The following C12orf56 variants were observed in gnomAD, a reference collection of about 807,000 sequenced individuals.
C12orf56 encodes the protein chromosome 12 open reading frame 56, also known as uncharacterized protein C12orf56.
A neutral mutation model predicts 69.9 loss-of-function variants in C12orf56; 71 were observed. The observed-to-expected ratio is 1.02, with a 90% CI of 0.84 to 1.24. The LOEUF is 1.24. C12orf56 is among the 50% of genes most tolerant of loss of function. The pLI is 0.00. For synonymous variants in C12orf56, 276 were observed against 274.1 expected (o/e 1.01, Z -0.07); for missense variants, 732 against 738.5 (o/e 0.99, Z 0.10).
chr12:64,332,258 G>C (rs562032572), intron 2 of C12orf56, among the ~76,000 whole-genome samples: 1 of 132,588 alleles, frequency 7.5e-6, no homozygotes, highest in Non-Finnish European at 1.5e-5. Flanking sequence ...ACCCAAGATT[G>C]TACCACTGCA....
chr12:64,274,365 G>T (rs888773145), intron 11 of C12orf56, among the ~76,000 whole-genome samples: 1 of 152,194 alleles, frequency 6.6e-6, no homozygotes, highest in African/African-American at 2.4e-5. Flanking sequence ...AAGGAGTTTA[G>T]TCTTCATTCA....
chr12:64,320,893 G>C (rs1342014032), intron 3 of C12orf56, among the ~76,000 whole-genome samples: 1 of 152,202 alleles, frequency 6.6e-6, no homozygotes, highest in East Asian at 1.9e-4. Context: ...ATGAAGTAGT[G>C]TCCTCTGTTT....
rs963201699 is a variant in C12orf56 at position 64,352,554 on chromosome 12, A to G, written c.415+340T>C. Among the ~76,000 whole-genome samples the G allele has an allele frequency of 2.6e-5, 4 of 152,152 alleles. No homozygotes were observed. The East Asian group carries it at 7.7e-4, about 29-fold the overall frequency. Reference sequence around the variant, plus strand: ...GCCCGCAATGGATGGGGGTGCCCACATGTGCACTGGGAGAGTAGGGTTAGA... The same window carrying G: ...GCCCGCAATGGATGGGGGTGCCCACGTGTGCACTGGGAGAGTAGGGTTAGA... On this transcript the variant is annotated intron_variant, in intron 2 of 12. Coordinates refer to ENST00000543942, the MANE Select transcript of C12orf56 (RefSeq NM_001170633.2).
chr12:64,317,834 C>T (rs549311996), intron 4 of C12orf56, among the ~76,000 whole-genome samples: 2 of 152,188 alleles, frequency 1.3e-5, no homozygotes, highest in South Asian at 4.1e-4. Context: ...GATTTCTAGA[C>T]AAATTTATCT....
intron 4 of C12orf56, among the ~76,000 whole-genome samples, chr12:64,318,201 C>T (rs1308322661): frequency 1.3e-5 from 2 of 152,038 alleles, no homozygotes; most frequent in African/African-American, 4.8e-5. Flanking sequence ...GCTGGGATTA[C>T]CGGCGCGCAC....
chr12:64,333,396 TTCTCTCTTTTTTGTGCGAAGTCA>T (rs1437013540), intron 2 of C12orf56, among the ~76,000 whole-genome samples: 39 of 152,180 alleles, frequency 2.6e-4, no homozygotes, highest in Admixed American at 6.5e-5. Flanking sequence ...CAAACTTGAA[TTCTCTCTTTTTTGTGCGAAGTCA>T]TTAAAAAGTT....
At chr12:64,356,170 C>CAAAAAAAAAA (rs761289428) in intron 1 of C12orf56, among the ~76,000 whole-genome samples, 3 of 48,430 alleles carry the variant, frequency 6.2e-5, no homozygotes, top group African/African-American at 9.4e-5. Context: ...GACTCCATCT[C>CAAAAAAAAAA]AAAAAAAAAA....
At chr12:64,321,541 C>T (rs2038773209) in intron 3 of C12orf56, among the ~76,000 whole-genome samples, 2 of 152,110 alleles carry the variant, frequency 1.3e-5, no homozygotes, top group Non-Finnish European at 2.9e-5. Context: ...ACTATGTTGC[C>T]AGGGCTGGTC....
intron 3 of C12orf56, among the ~76,000 whole-genome samples, chr12:64,328,701 AAAAAAATATATATATATATATATAT>A (rs1409829731): frequency 5.4e-4 from 10 of 18,652 alleles, no homozygotes; most frequent in Admixed American, 1.6e-3. Context: ...AAAAAAAAAA[AAAAAAATATATATATATATATATAT>A]ATATATATAT....
intron 4 of C12orf56, among the ~76,000 whole-genome samples, chr12:64,315,616 C>G (rs1324920068): frequency 6.6e-6 from 1 of 152,034 alleles, no homozygotes; most frequent in African/African-American, 2.4e-5. Context: ...TTAATTTTAT[C>G]TAAAAGTACA....
intron 2 of C12orf56, among the ~76,000 whole-genome samples, chr12:64,350,880 A>G (rs985151496): frequency 1.3e-5 from 2 of 152,252 alleles, no homozygotes; most frequent in African/African-American, 4.8e-5. Flanking sequence ...CAGTCCTATC[A>G]TGATTTGTTT....
intron 2 of C12orf56, among the ~76,000 whole-genome samples, chr12:64,348,824 G>C (rs1021855030): frequency 6.6e-6 from 1 of 152,112 alleles, no homozygotes; most frequent in Admixed American, 6.6e-5. Context: ...TTTATAATCA[G>C]CTATAGAACT....
intron 1 of C12orf56, among the ~76,000 whole-genome samples, chr12:64,369,022 A>C (rs1197973873): frequency 1.3e-5 from 2 of 152,220 alleles, no homozygotes; most frequent in East Asian, 3.9e-4. Flanking sequence ...AAATCTCTTA[A>C]AGATAACTAC....
chr12:64,296,319 A>G (rs2038364428), intron 6 of C12orf56, among the ~76,000 whole-genome samples: 1 of 152,142 alleles, frequency 6.6e-6, no homozygotes, highest in African/African-American at 2.4e-5. Flanking sequence ...TCTTAAGTGA[A>G]AGAGTGAAAG....
intron 1 of C12orf56, among the ~76,000 whole-genome samples, chr12:64,361,396 A>C (rs2039398581): frequency 1.3e-5 from 2 of 152,084 alleles, no homozygotes; most frequent in Non-Finnish European, 2.9e-5. Flanking sequence ...GGCATCCTAT[A>C]ATAAGTCACA....
At chr12:64,337,855 A>AAAAG (rs1491368974) in intron 2 of C12orf56, among the ~76,000 whole-genome samples, 2 of 80,704 alleles carry the variant, frequency 2.5e-5, no homozygotes, top group African/African-American at 1.1e-4. Context: ...AAATTCTGTC[A>AAAAG]AAAAAAAAAA....
At chr12:64,337,323 G>C (rs912451991) in intron 2 of C12orf56, among the ~76,000 whole-genome samples, 4 of 152,052 alleles carry the variant, frequency 2.6e-5, no homozygotes, top group Admixed American at 6.6e-5. Flanking sequence ...CAGTAGCACA[G>C]ACCCCACAGG....
chr12:64,306,210 T>G (rs2038510222), intron 5 of C12orf56, among the ~76,000 whole-genome samples: 2 of 152,192 alleles, frequency 1.3e-5, no homozygotes, highest in African/African-American at 4.8e-5. Context: ...AAGTTATGAA[T>G]AATAATTTCT....
At chr12:64,335,108 A>G (rs1397689911) in intron 2 of C12orf56, among the ~76,000 whole-genome samples, 1 of 152,150 alleles carries the variant, frequency 6.6e-6, no homozygotes, top group Non-Finnish European at 1.5e-5. Flanking sequence ...TAAGTGGTTA[A>G]TAACCCAATC....
Sources: gnomAD v4.1 joint callset for allele counts (sites outside exome capture counted in the v4.1 genomes callset) on GRCh38, gnomAD v4.1.1 for gene constraint, MANE v1.5 for transcripts, NCBI Gene and HGNC (gene_info 2026-07-23, HGNC 2026-07-21) for gene names.